The following CDK17 variants were observed in gnomAD, a reference collection of about 807,000 sequenced individuals.
The protein encoded by CDK17 is cyclin dependent kinase 17, also known as cyclin-dependent kinase 17.
In CDK17, 24 loss-of-function variants were observed where a neutral mutation model predicts 77.6. The observed-to-expected ratio is 0.31, with a 90% CI of 0.22 to 0.44. CDK17 has a LOEUF of 0.44. CDK17 is among the 20% of genes least tolerant of loss of function. The pLI is 1.00. For missense variants in CDK17, 429 were observed against 622.5 expected (o/e 0.69, Z 3.31); for synonymous variants, 203 against 210.4 (o/e 0.96, Z 0.30).
intron 6 of CDK17, 39 bp downstream of exon 6, chr12:96,300,265 G>T: frequency 7.2e-7 from 1 of 1,382,616 alleles, no homozygotes; most frequent in Non-Finnish European, 1.0e-6. Flanking sequence ...TGACGAATAA[G>T]AAAAAAATGT....
intron 1 of CDK17, among the ~76,000 whole-genome samples, chr12:96,379,050 TAAGA>T (rs1953833500): frequency 6.6e-6 from 1 of 152,108 alleles, no homozygotes; most frequent in Non-Finnish European, 1.5e-5. Flanking sequence ...GTTCAAATAC[TAAGA>T]AAGAAAAAGA....
chr12:96,327,502 C>A (rs532739793), intron 2 of CDK17, among the ~76,000 whole-genome samples: 1 of 152,276 alleles, frequency 6.6e-6, no homozygotes, highest in Non-Finnish European at 1.5e-5. Flanking sequence ...ACTCCTACCA[C>A]CCAGCTTTTA....
chr12:96,321,817 G>A (rs1239521819), intron 3 of CDK17, among the ~76,000 whole-genome samples: 5 of 114,450 alleles, frequency 4.4e-5, no homozygotes, highest in African/African-American at 1.7e-4. Context: ...GGTGGGGTGG[G>A]GGGAGGGGGG....
rs781003801 is a variant in CDK17, at chr12:96,282,554, C to T, written c.1411G>A (p.Val471Met). ...RVSAEEAMKH[V>M]YFRSLGPRIH... ...CTTGGTCCCAGACTTCGAAAGTACA[C>T]ATGTTTCATGGCCTCTTCAGCTGAA... The change falls in exon 15 of 17, where the codon GTG becomes ATG. Residue 471 changes from valine to methionine, a missense_variant. Val to Met is a conservative substitution (Grantham distance 21). Coordinates refer to ENST00000261211, the MANE Select transcript of CDK17 (RefSeq NM_002595.5). 1 of 1,613,106 alleles carries T rather than the reference C, an allele frequency of 6.2e-7. No individual in the cohort carries two copies. The highest frequency in any genetic ancestry group is 8.5e-7 in the Non-Finnish European group (1 of 1,179,080).
intron 13 of CDK17, among the ~76,000 whole-genome samples, chr12:96,284,235 C>G (rs1333566865): frequency 6.6e-6 from 1 of 152,028 alleles, no homozygotes; most frequent in Non-Finnish European, 1.5e-5. Context: ...CTTTGGGAGG[C>G]CGAGGCGGGT....
chr12:96,344,154 A>G (rs1359685672), intron 1 of CDK17, among the ~76,000 whole-genome samples: 1 of 152,198 alleles, frequency 6.6e-6, no homozygotes, highest in Non-Finnish European at 1.5e-5. Context: ...AGTCTTAGGG[A>G]TACAAAGAAA....
chr12:96,356,669 T>A (rs1953399423), intron 1 of CDK17, among the ~76,000 whole-genome samples: 1 of 152,188 alleles, frequency 6.6e-6, no homozygotes, highest in Non-Finnish European at 1.5e-5. Context: ...AGCCATTACC[T>A]CCTGAGTTCA....
chr12:96,389,059 C>T (rs955273529), intron 1 of CDK17, among the ~76,000 whole-genome samples: 16 of 151,824 alleles, frequency 1.1e-4, no homozygotes, highest in Non-Finnish European at 2.1e-4. Flanking sequence ...TTGAGACAGG[C>T]TCAAGAGAGC....
intron 2 of CDK17, among the ~76,000 whole-genome samples, chr12:96,328,405 T>C (rs991330243): frequency 5.1e-4 from 77 of 152,208 alleles, no homozygotes; most frequent in Middle Eastern, 3.4e-3. Context: ...CCAACCTCAG[T>C]CTGTGAAAAA....
At chr12:96,294,558 G>C (rs1168943140) in intron 10 of CDK17, among the ~76,000 whole-genome samples, 4 of 121,638 alleles carry the variant, frequency 3.3e-5, no homozygotes, top group Non-Finnish European at 6.5e-5. Context: ...ACTCCAGCCT[G>C]GGCTTTAACA....
intron 2 of CDK17, among the ~76,000 whole-genome samples, chr12:96,326,417 G>C (rs1952892305): frequency 6.6e-6 from 1 of 152,194 alleles, no homozygotes; most frequent in South Asian, 2.1e-4. Context: ...ACTGTATATT[G>C]AGGAAAGTTC....
At chr12:96,380,114 A>G (rs985354216) in intron 1 of CDK17, among the ~76,000 whole-genome samples, 6 of 151,124 alleles carry the variant, frequency 4.0e-5, no homozygotes, top group Admixed American at 4.0e-4. Flanking sequence ...GCCTGCAGTG[A>G]GCCATGATAG....
intron 1 of CDK17, among the ~76,000 whole-genome samples, chr12:96,396,498 A>AT (rs972945874): frequency 2.0e-5 from 3 of 152,232 alleles, no homozygotes; most frequent in Non-Finnish European, 4.4e-5. Context: ...CATAAAGCAC[A>AT]TTTTTAAATG....
intron 1 of CDK17, among the ~76,000 whole-genome samples, chr12:96,346,724 G>A (rs995583769): frequency 2.6e-5 from 4 of 151,946 alleles, no homozygotes; most frequent in African/African-American, 9.7e-5. Flanking sequence ...AGACCATCCT[G>A]GCCAACATGG....
rs987291598 is a variant in CDK17 at position 96,296,410 on chromosome 12, C to A, written c.873+860G>T. Among the ~76,000 whole-genome samples, 4 of 152,164 alleles carry A rather than the reference C, an allele frequency of 2.6e-5. 1 individual carries two copies. Among genetic ancestry groups the A allele is most frequent in the Admixed American group, 2.6e-4 (4 of 15,284 alleles). On this transcript the variant is annotated intron_variant, in intron 9 of 16. Transcript: ENST00000261211. The stretch of plus-strand genomic sequence containing the variant: ...TAAAGCCCTTTTTAAAAATCCTTAG[C>A]AATGTGTTATCCATATGTTCTGAGC...
chr12:96,300,283 A>G lies in CDK17; in HGVS notation c.600+21T>C, dbSNP rs1345484005. 13 of 1,528,038 alleles carry G rather than the reference A, an allele frequency of 8.5e-6. No homozygotes were observed. In the African/African-American group the frequency reaches 1.4e-4, roughly 16 times the overall value. The allele number at this position is 1,528,038 out of a possible 1,614,324, so 94.7% of individuals were successfully genotyped here. ...CGAATAAGAAAAAAATGTGTCTTAC[A>G]TTTTTGAGATATTTACTTACCTCTC... On this transcript the variant is annotated intron_variant, in intron 6 of 16. Transcript: ENST00000261211.
intron 1 of CDK17, among the ~76,000 whole-genome samples, chr12:96,338,763 C>T (rs187987850): frequency 1.9e-3 from 262 of 136,946 alleles, no homozygotes; most frequent in African/African-American, 6.8e-3. Flanking sequence ...TTGTCTGAAG[C>T]CACTAAGGTT....
Position 96,286,030 on chromosome 12 carries a change from G to GAA in CDK17, c.1322+11_1322+12dup. On this transcript the variant is annotated intron_variant, in intron 13 of 16. Coordinates refer to ENST00000261211, the MANE Select transcript of CDK17 (RefSeq NM_002595.5). ...ATGTGTTTTCCCCCCTTTCACATAA[G>GAA]AAAAAAAAATACCTGGGTGCGTGGT... 1.5e-6 allele frequency: 2 copies of GAA among 1,360,658 alleles called. No individual in the cohort carries two copies. The highest frequency in any genetic ancestry group is 1.2e-5 in the South Asian group (1 of 83,086). The allele number at this position is 1,360,658 out of a possible 1,614,324, so 84.3% of individuals were successfully genotyped here. A position where few individuals can be genotyped will look rare whatever the true frequency, so the allele number is the denominator to read the frequency against.
In CDK17 at chr12:96,279,740, T is replaced by C. The variant is rs1296152147; in HGVS notation, c.*502A>G. The C allele has an allele frequency of 6.5e-6, 1 of 152,776 alleles. No homozygotes were observed. Among genetic ancestry groups the C allele is most frequent in the Non-Finnish European group, 1.5e-5 (1 of 68,132 alleles). 9.5% of individuals were successfully genotyped at this position (152,776 alleles called of 1,614,324 possible). On this transcript the variant is annotated 3_prime_UTR_variant, in exon 17 of 17. Transcript: ENST00000261211. Reference sequence around the variant, plus strand: ...TAAAGTGTTCAAGATGGCTCACTTATTTTACTATTAAGCAAAGCTAAATTT... The same window carrying C: ...TAAAGTGTTCAAGATGGCTCACTTACTTTACTATTAAGCAAAGCTAAATTT...
Sources: gnomAD v4.1 joint callset for allele counts (sites outside exome capture counted in the v4.1 genomes callset) on GRCh38, gnomAD v4.1.1 for gene constraint, MANE v1.5 for transcripts, NCBI Gene and HGNC (gene_info 2026-07-23, HGNC 2026-07-21) for gene names.